TFB1M: variants seen among roughly 807,000 people sequenced by gnomAD.
The protein encoded by TFB1M is transcription factor B1, mitochondrial.
TFB1M carries 27 observed loss-of-function variants against 31.1 expected under a neutral mutation model. That is an observed-to-expected ratio of 0.87 (90% CI 0.64 to 1.20). TFB1M has a LOEUF of 1.20. TFB1M is among the 50% of genes most tolerant of loss of function. The probability of loss-of-function intolerance (pLI) is 0.00; values close to 1 mark genes in which losing one functional copy is unlikely to be tolerated. For missense variants in TFB1M, 394 were observed against 418.7 expected (o/e 0.94, Z 0.51); for synonymous variants, 166 against 151.8 (o/e 1.09, Z -0.69).
chr6:155,299,427 G>A (rs966406068), intron 2 of TFB1M: 7 of 152,122 alleles, frequency 4.6e-5, no homozygotes, highest in Non-Finnish European at 8.8e-5. Flanking sequence ...ATTGTGTTAA[G>A]TGCCCCATGC....
chr6:155,260,605 G>A (rs1313366960), intron 5 of TFB1M: 1 of 645,862 alleles, frequency 1.5e-6, no homozygotes, highest in East Asian at 2.9e-5. Flanking sequence ...TCAGCCGGCT[G>A]CACCTGTTCT....
At position 155,257,935 on chromosome 6, in the gene TFB1M, G is replaced by T. The variant is rs1562382279; in HGVS notation, c.942C>A (p.Asp314Glu). 5 of 1,614,100 alleles carry T rather than the reference G, an allele frequency of 3.1e-6. No individual in the cohort carries two copies. The highest frequency in any genetic ancestry group is 2.5e-6 in the Non-Finnish European group (3 of 1,180,014). The change falls in exon 7 of 7, where the codon GAC becomes GAA. Residue 314 changes from aspartate to glutamate, a missense_variant. Physicochemically the swap from Asp to Glu is conservative, Grantham distance 45 (BLOSUM62 2). Coordinates refer to ENST00000367166, the MANE Select transcript of TFB1M (RefSeq NM_016020.4). Reference protein sequence around the residue: ...CDVYRKMCDEDPQLFAYNFRE... With the variant: ...CDVYRKMCDEEPQLFAYNFRE... ...TGAAATTATATGCAAAGAGTTGTGG[G>T]TCTTCATCACACATTTTTCTGTATA...
chr6:155,254,307 G>A (rs113819547), downstream of TFB1M: 19,865 of 1,422,438 alleles, frequency 0.014, 263 homozygotes, highest in Non-Finnish European at 0.015. Context: ...CTGGGTGGCT[G>A]GCTGGCAGCC....
At chr6:155,244,557 G>C in the TFB1M span, 1 of 1,395,096 alleles carries the variant, frequency 7.2e-7, no homozygotes, top group Non-Finnish European at 9.8e-7. Flanking sequence ...CTGCTTTTCC[G>C]TGAAGAATTT....
In TFB1M at chr6:155,259,813, C is replaced by T. The variant is rs557416856; in HGVS notation, c.794+460G>A. 3.9e-5 allele frequency among the ~76,000 whole-genome samples: 6 copies of T among 152,328 alleles called. No individual in the cohort carries two copies. In the East Asian group the frequency reaches 9.6e-4, roughly 24 times the overall value. ...TTTTCCCAGTGATTCCTGAGAGCCT[C>T]TTGGCAGCAGCAGCTTTCTGTGAGA... On this transcript the variant is annotated intron_variant, in intron 6 of 6. Coordinates refer to ENST00000367166, the MANE Select transcript of TFB1M (RefSeq NM_016020.4).
chr6:155,251,237 C>T (rs1191867428), downstream of TFB1M, among the ~76,000 whole-genome samples: 1 of 152,216 alleles, frequency 6.6e-6, no homozygotes, highest in Admixed American at 6.5e-5. Context: ...TGGCTCAGGC[C>T]AAGTGTTACA....
At chr6:155,239,396 A>T in the TFB1M span, among the ~76,000 whole-genome samples, 4 of 152,314 alleles carry the variant, frequency 2.6e-5, no homozygotes, top group Non-Finnish European at 5.9e-5. Flanking sequence ...GAAAGAAAGA[A>T]GCCACCCTGC....
chr6:155,244,859 T>C, the TFB1M span: 6 of 1,473,778 alleles, frequency 4.1e-6, no homozygotes, highest in South Asian at 8.6e-5. Flanking sequence ...AATTCTCTCA[T>C]GAGAAAGAAT....
chr6:155,257,294 T>G lies in TFB1M; in HGVS notation c.*542A>C. ...TTAAGTTATTTTAATTTATTGTGGA[T>G]CAGAAACCTAGATGAAACTGGTCAG... On this transcript the variant is annotated 3_prime_UTR_variant, in exon 7 of 7. Coordinates refer to ENST00000367166, the MANE Select transcript of TFB1M (RefSeq NM_016020.4). 1 of 741,102 alleles carries G rather than the reference T, an allele frequency of 1.3e-6. No individual in the cohort carries two copies. Among genetic ancestry groups the G allele is most frequent in the Non-Finnish European group, 2.1e-6 (1 of 472,586 alleles). The allele number at this position is 741,102 out of a possible 1,614,324, so 45.9% of individuals were successfully genotyped here. A position where few individuals can be genotyped will look rare whatever the true frequency, so the allele number is the denominator to read the frequency against.
intron 5 of TFB1M, among the ~76,000 whole-genome samples, chr6:155,265,716 T>TATATATAATATAAATATATATTATATATA (rs1158886417): frequency 4.3e-4 from 62 of 145,804 alleles, no homozygotes; most frequent in East Asian, 3.9e-3. Flanking sequence ...TAAATATATT[T>TATATATAATATAAATATATATTATATATA]ATATATAATA....
chr6:155,266,569 G>A (rs1487747083), intron 5 of TFB1M, among the ~76,000 whole-genome samples: 3 of 152,214 alleles, frequency 2.0e-5, no homozygotes, highest in East Asian at 3.9e-4. Context: ...AAATGAGGCT[G>A]GGCGCTGTGG....
chr6:155,257,140 T>C lies in TFB1M; in HGVS notation c.*696A>G. On this transcript the variant is annotated 3_prime_UTR_variant, in exon 7 of 7. Transcript: ENST00000367166. ...ATCATAGTATGATTCAATCCAGATATGGGTTAAATTCCTCATTTTACTTTT... is the reference window on the plus strand; with the variant it reads ...ATCATAGTATGATTCAATCCAGATACGGGTTAAATTCCTCATTTTACTTTT... 1 of 1,604,912 alleles carries C rather than the reference T, an allele frequency of 6.2e-7. No homozygotes were observed. Among genetic ancestry groups the C allele is most frequent in the Non-Finnish European group, 8.5e-7 (1 of 1,177,098 alleles).
chr6:155,280,989 T>C (rs1382934647), intron 5 of TFB1M, among the ~76,000 whole-genome samples: 2 of 152,234 alleles, frequency 1.3e-5, no homozygotes, highest in African/African-American at 2.4e-5. Flanking sequence ...GTGTACCATG[T>C]TTGAAGGTAA....
chr6:155,290,092 G>A (rs890101008), intron 4 of TFB1M, among the ~76,000 whole-genome samples: 2 of 152,134 alleles, frequency 1.3e-5, no homozygotes, highest in Non-Finnish European at 2.9e-5. Context: ...TGCATAGAAT[G>A]GACTAACATA....
At chr6:155,312,356 A>G (rs531884006) in intron 1 of TFB1M, among the ~76,000 whole-genome samples, 1 of 152,268 alleles carries the variant, frequency 6.6e-6, no homozygotes, top group Admixed American at 6.5e-5. Context: ...TAATCCTTAC[A>G]TGTTAACCAA....
chr6:155,246,490 A>C, the TFB1M span, among the ~76,000 whole-genome samples: 161 of 152,290 alleles, frequency 1.1e-3, 1 homozygote, highest in African/African-American at 3.8e-3. Context: ...AAATTTAATT[A>C]ATTAATTTTA....
At chr6:155,230,072 TGTACCACCGAGA>T in the TFB1M span, among the ~76,000 whole-genome samples, 2 of 148,640 alleles carry the variant, frequency 1.3e-5, no homozygotes, top group African/African-American at 5.0e-5. Context: ...AGGTGACACC[TGTACCACCGAGA>T]GTACAAATCC....
At chr6:155,273,810 T>C (rs9371877) in intron 5 of TFB1M, among the ~76,000 whole-genome samples, 99,727 of 151,968 alleles carry the variant, frequency 0.66, 33,476 homozygotes, top group East Asian at 0.98. Context: ...AACATTCTGA[T>C]CTGAAAAAAC....
At chr6:155,279,368 A>C (rs1785381571) in intron 5 of TFB1M, among the ~76,000 whole-genome samples, 1 of 152,148 alleles carries the variant, frequency 6.6e-6, no homozygotes, top group African/African-American at 2.4e-5. Flanking sequence ...GTAATGTCAG[A>C]AGCTGGTTAA....
Sources: gnomAD v4.1 joint callset for allele counts (sites outside exome capture counted in the v4.1 genomes callset) on GRCh38, gnomAD v4.1.1 for gene constraint, MANE v1.5 for transcripts, NCBI Gene and HGNC (gene_info 2026-07-23, HGNC 2026-07-21) for gene names.